The following FADS3 variants were observed in gnomAD, a reference collection of about 807,000 sequenced individuals.
FADS3 encodes cytochrome b5-related protein.
Under a neutral mutation model 60.4 loss-of-function variants are expected in FADS3, and 30 were observed. The observed-to-expected ratio is 0.50, with a 90% CI of 0.37 to 0.67. FADS3 has a LOEUF of 0.67. FADS3 is among the 30% of genes least tolerant of loss of function. The probability of loss-of-function intolerance (pLI) is 0.00; values close to 1 mark genes in which losing one functional copy is unlikely to be tolerated. For missense variants in FADS3, 432 were observed against 598.3 expected (o/e 0.72, Z 2.90); for synonymous variants, 234 against 249.3 (o/e 0.94, Z 0.58).
chr11:61,888,526 G>C (rs951246416), intron 1 of FADS3, among the ~76,000 whole-genome samples: 1 of 152,268 alleles, frequency 6.6e-6, no homozygotes, highest in Non-Finnish European at 1.5e-5. Context: ...AGTCCAGGCT[G>C]TGGGGCCTTG....
At position 61,878,192 on chromosome 11, in the gene FADS3, G is replaced by C; in HGVS notation, c.771C>G (p.Tyr257Ter). 1 of 1,614,176 alleles carries C rather than the reference G, an allele frequency of 6.2e-7. No individual in the cohort carries two copies. The highest frequency in any genetic ancestry group is 8.5e-7 in the Non-Finnish European group (1 of 1,180,014). Residue 257 changes from tyrosine (Y) to a stop codon, truncating the protein, a stop_gained, in exon 6 of 12, where the codon TAC becomes TAG. Transcript: ENST00000278829. LOFTEE classifies it high-confidence loss of function. ...ACAGGTGCTGCTGGTTGTAGGGTAG[G>C]TATCTGCGTTTCTTCTTGCCATACT... is the stretch of plus-strand genomic sequence containing the variant. ...SVEYGKKKRR[Y>*]LPYNQQHLYF...
At chr11:61,887,552 C>G (rs564343795) in intron 1 of FADS3, among the ~76,000 whole-genome samples, 2 of 152,334 alleles carry the variant, frequency 1.3e-5, no homozygotes, top group East Asian at 3.9e-4. Flanking sequence ...CCGGCCGCCT[C>G]TAGACCTCAC....
intron 1 of FADS3, 28 bp downstream of exon 1, chr11:61,891,141 G>A (rs1481248475): frequency 1.9e-6 from 3 of 1,543,524 alleles, no homozygotes; most frequent in South Asian, 2.4e-5. Flanking sequence ...CCACCCGCCG[G>A]TGGGTGGCTT....
intron 1 of FADS3, chr11:61,886,360 C>T (rs1026015927): frequency 2.6e-5 from 4 of 152,316 alleles, no homozygotes; most frequent in African/African-American, 9.6e-5. Flanking sequence ...ACAATCCCAA[C>T]TCTTCCCACA....
At position 61,877,996 on chromosome 11, in the gene FADS3, G is replaced by C; in HGVS notation, c.808+159C>G. ...CTGGGGCAAAGGCATGCTGCTGGGAGAGTGTGTACAGACTGCAGAGGCTGG... is the reference window on the plus strand; with the variant it reads ...CTGGGGCAAAGGCATGCTGCTGGGACAGTGTGTACAGACTGCAGAGGCTGG... On this transcript the variant is annotated intron_variant, in intron 6 of 11. Transcript: ENST00000278829. The surrounding 1 kb of genome is among the most constrained non-coding windows in gnomAD (Gnocchi z 4.7). 1.4e-6 allele frequency: 1 copy of C among 691,544 alleles called. No homozygotes were observed. The allele number at this position is 691,544 out of a possible 1,614,324, so 42.8% of individuals were successfully genotyped here.
intron 11 of FADS3, among the ~76,000 whole-genome samples, chr11:61,874,436 T>G (rs1937794297): frequency 6.6e-6 from 1 of 152,188 alleles, no homozygotes; most frequent in African/African-American, 2.4e-5. Flanking sequence ...GGCGCAGAGG[T>G]ATAAGACCTG....
chr11:61,875,379 GT>G (rs58200660), intron 11 of FADS3, among the ~76,000 whole-genome samples: 47 of 128,434 alleles, frequency 3.7e-4, no homozygotes, highest in African/African-American at 1.2e-3. Flanking sequence ...GCTAATTTTT[GT>G]TTTTTTTTTT....
In FADS3 at chr11:61,876,742, C is replaced by T. The variant is rs1223791362; in HGVS notation, c.983+124G>A. On this transcript the variant is annotated intron_variant, in intron 8 of 11. Coordinates refer to ENST00000278829, the MANE Select transcript of FADS3 (RefSeq NM_021727.5). The surrounding 1 kb of genome is among the most constrained non-coding windows in gnomAD (Gnocchi z 5.7). ...CCACGCTTGTGTTTATGTGATTCCA[C>T]CAGCAAGCCAGGGAGGCAGTACCAC... 2.3e-6 allele frequency: 2 copies of T among 857,326 alleles called. No individual in the cohort carries two copies. The highest frequency in any genetic ancestry group is 1.7e-5 in the African/African-American group (1 of 59,874). 53.1% of individuals were successfully genotyped at this position (857,326 alleles called of 1,614,324 possible). A position where few individuals can be genotyped will look rare whatever the true frequency, so the allele number is the denominator to read the frequency against.
chr11:61,875,017 C>T (rs578221693), intron 11 of FADS3, among the ~76,000 whole-genome samples: 22 of 152,296 alleles, frequency 1.4e-4, no homozygotes, highest in Non-Finnish European at 3.1e-4. Context: ...GTCTGATGAC[C>T]GATGCTTGAC....
chr11:61,879,892 C>A, intron 2 of FADS3, 149 bp downstream of exon 2: 1 of 632,878 alleles, frequency 1.6e-6, no homozygotes, highest in South Asian at 2.0e-5. Context: ...CTGCCTGCCC[C>A]CTGGGAGGGG....
At position 61,873,653 on chromosome 11, in the gene FADS3, T is replaced by C; in HGVS notation, c.*161A>G. Reference sequence around the variant, plus strand: ...CCCAGAGCCAAGGCCATAGGGCTGCTGAATACACATGTGAGGGGGCCGAGG... The same window carrying C: ...CCCAGAGCCAAGGCCATAGGGCTGCCGAATACACATGTGAGGGGGCCGAGG... On this transcript the variant is annotated 3_prime_UTR_variant, in exon 12 of 12. Coordinates refer to ENST00000278829, the MANE Select transcript of FADS3 (RefSeq NM_021727.5). 1 of 666,780 alleles carries C rather than the reference T, an allele frequency of 1.5e-6. No homozygotes were observed. The highest frequency in any genetic ancestry group is 2.7e-6 in the Non-Finnish European group (1 of 364,798). The allele number at this position is 666,780 out of a possible 1,614,324, so 41.3% of individuals were successfully genotyped here.
intron 1 of FADS3, chr11:61,881,104 G>A (rs1165333567): frequency 6.6e-6 from 1 of 152,246 alleles, no homozygotes; most frequent in Non-Finnish European, 1.5e-5. Flanking sequence ...TTGAGGCCAG[G>A]AGTTCAAGAC....
At chr11:61,874,051 G>A (rs1164845998) in intron 11 of FADS3, among the ~76,000 whole-genome samples, 186 bp from the exon 12 acceptor site, 1 of 152,228 alleles carries the variant, frequency 6.6e-6, no homozygotes, top group African/African-American at 2.4e-5. Context: ...TCATTCTCTG[G>A]AATGGAATCT....
At chr11:61,891,061 C>T in intron 1 of FADS3, 108 bp downstream of exon 1, 2 of 983,398 alleles carry the variant, frequency 2.0e-6, no homozygotes, top group Non-Finnish European at 3.0e-6. Flanking sequence ...CAAAGGTCAG[C>T]GAGGGGAGGG....
rs748151273 is a variant in FADS3, at chr11:61,876,907, G to C, written c.942C>G (p.Phe314Leu). The C allele has an allele frequency of 6.2e-7, 1 of 1,611,124 alleles. No homozygotes were observed. The highest frequency in any genetic ancestry group is 2.2e-5 in the East Asian group (1 of 44,794). The change falls in exon 8 of 12, where the codon TTC (phenylalanine) becomes TTG (leucine). Residue 314 changes from phenylalanine (F) to leucine (L), a missense_variant. This residue lies in a region of FADS3 where 38 missense variants were observed against 34.8 expected (regional missense o/e 1.09). Transcript: ENST00000278829. The surrounding 1 kb of genome is among the most constrained non-coding windows in gnomAD (Gnocchi z 5.7). ...YARFFLSYLP[F>L]YGVPGVLLFF... is the part of the protein sequence containing the mutation. ...AGAGCAGCACCCCAGGGACGCCGTA[G>C]AAGGGGAGGTAGGATAAGAAGAAGC... is the stretch of plus-strand genomic sequence containing the variant.
At position 61,890,820 on chromosome 11, in the gene FADS3, A is replaced by G. The variant is rs1054063278; in HGVS notation, c.213+349T>C. On this transcript the variant is annotated intron_variant, in intron 1 of 11. Coordinates refer to ENST00000278829, the MANE Select transcript of FADS3 (RefSeq NM_021727.5). ...CTGCCCTGCCCTACCCCTAGCACTC[A>G]GCAAGCACCCAGCATGGGGACCCAG... is the stretch of plus-strand genomic sequence containing the variant. 5.0e-4 allele frequency among the ~76,000 whole-genome samples: 76 copies of G among 152,268 alleles called. 1 individual carries two copies. The highest frequency in any genetic ancestry group is 1.8e-3 in the African/African-American group (75 of 41,562).
chr11:61,884,734 C>G (rs1484602431), intron 1 of FADS3, among the ~76,000 whole-genome samples: 1 of 152,298 alleles, frequency 6.6e-6, no homozygotes, highest in South Asian at 2.1e-4. Context: ...CCCAGGGGTA[C>G]GTGCACAAAG....
intron 1 of FADS3, among the ~76,000 whole-genome samples, chr11:61,882,801 C>T (rs926803075): frequency 1.3e-5 from 2 of 152,152 alleles, no homozygotes; most frequent in African/African-American, 4.8e-5. Context: ...ATGATCTCGG[C>T]TTACTGCAAC....
At chr11:61,874,420 T>A (rs1937793658) in intron 11 of FADS3, among the ~76,000 whole-genome samples, 1 of 152,198 alleles carries the variant, frequency 6.6e-6, no homozygotes, top group East Asian at 1.9e-4. Flanking sequence ...GAACAGCGTG[T>A]ACAAAGGCGC....
Sources: gnomAD v4.1 joint callset for allele counts (sites outside exome capture counted in the v4.1 genomes callset) on GRCh38, gnomAD v4.1.1 for gene constraint, gnomAD v4.1.1 regional missense constraint, Gnocchi (gnomAD v3.1) non-coding constraint, MANE v1.5 for transcripts, NCBI Gene and HGNC (gene_info 2026-07-23, HGNC 2026-07-21) for gene names.